The following MYRIP variants were observed in gnomAD, a reference collection of about 807,000 sequenced individuals.
MYRIP encodes myosin VIIA and Rab interacting protein.
MYRIP carries 49 observed loss-of-function variants against 98.0 expected under a neutral mutation model. That is an observed-to-expected ratio of 0.50 (90% CI 0.40 to 0.63). MYRIP has a LOEUF of 0.63. Among genes scored for constraint, MYRIP ranks in the 30% least tolerant of loss-of-function variants. The probability of loss-of-function intolerance (pLI) is 0.00; values close to 1 mark genes in which losing one functional copy is unlikely to be tolerated. For synonymous variants in MYRIP, 404 were observed against 409.5 expected (o/e 0.99, Z 0.16); for missense variants, 1,004 against 1,058.2 (o/e 0.95, Z 0.71).
At chr3:40,073,595 T>C (rs1948275605) in intron 3 of MYRIP, among the ~76,000 whole-genome samples, 1 of 152,248 alleles carries the variant, frequency 6.6e-6, no homozygotes, top group Non-Finnish European at 1.5e-5. Context: ...GGAAGGTTCT[T>C]TAGCAGTCAA....
chr3:40,230,418 TAA>T (rs1386418570), intron 11 of MYRIP, among the ~76,000 whole-genome samples: 1 of 152,234 alleles, frequency 6.6e-6, no homozygotes, highest in African/African-American at 2.4e-5. Flanking sequence ...GTGCTAAATA[TAA>T]GTTTTTTAAC....
chr3:40,097,324 A>C (rs1948851892), intron 3 of MYRIP, among the ~76,000 whole-genome samples: 1 of 152,170 alleles, frequency 6.6e-6, no homozygotes, highest in Non-Finnish European at 1.5e-5. Context: ...CAGGATTCAT[A>C]TCCAGGTATG....
intron 3 of MYRIP, among the ~76,000 whole-genome samples, chr3:40,066,302 T>C (rs1298582809): frequency 6.6e-6 from 1 of 152,222 alleles, no homozygotes; most frequent in East Asian, 1.9e-4. Context: ...ACTGCAAACT[T>C]TCTGGGGTCC....
intron 3 of MYRIP, among the ~76,000 whole-genome samples, chr3:40,130,379 CTTTT>C (rs1174112413): frequency 2.2e-5 from 3 of 139,242 alleles, no homozygotes; most frequent in Non-Finnish European, 4.7e-5. Flanking sequence ...GTCCAAATTT[CTTTT>C]TTTTTTTTTT....
chr3:40,196,863 C>T (rs966524050), intron 10 of MYRIP, among the ~76,000 whole-genome samples: 2 of 152,156 alleles, frequency 1.3e-5, no homozygotes, highest in Middle Eastern at 3.2e-3. Flanking sequence ...GTGAGGGACT[C>T]ATGTTAGGAG....
At chr3:40,193,294 C>T (rs370016455) in intron 10 of MYRIP, among the ~76,000 whole-genome samples, 31 of 152,100 alleles carry the variant, frequency 2.0e-4, no homozygotes, top group African/African-American at 7.2e-4. Flanking sequence ...ATAGATCCAA[C>T]AAAAGTCAGT....
At chr3:40,181,844 A>G (rs573228783) in intron 8 of MYRIP, among the ~76,000 whole-genome samples, 1 of 152,168 alleles carries the variant, frequency 6.6e-6, no homozygotes. Context: ...TTGCTCTGGG[A>G]TCTCTTCAGG....
chr3:40,256,766 AT>A (rs34097849), intron 16 of MYRIP, among the ~76,000 whole-genome samples: 5,110 of 150,002 alleles, frequency 0.034, 113 homozygotes, highest in East Asian at 0.058. Context: ...GATTTTGCTG[AT>A]TTTTTTTTTA....
At chr3:40,254,039 A>G (rs528962924) in intron 16 of MYRIP, among the ~76,000 whole-genome samples, 152 of 152,324 alleles carry the variant, frequency 1.0e-3, no homozygotes, top group Non-Finnish European at 1.6e-3. Flanking sequence ...GCTACTCCTA[A>G]ATGTAGCAAA....
rs538748574 is a variant in MYRIP at position 40,076,408 on chromosome 3, C to A, written c.332+32137C>A. The stretch of plus-strand genomic sequence containing the variant: ...TTTGACTGCATATTAGAATCCTTGG[C>A]AGAGCTTTGGAAAAAAATCACATTG... On this transcript the variant is annotated intron_variant, in intron 3 of 16. Transcript: ENST00000302541. 2.6e-5 allele frequency among the ~76,000 whole-genome samples: 4 copies of A among 152,296 alleles called. No homozygotes were observed. The East Asian group carries it at 7.7e-4, about 29-fold the overall frequency.
At chr3:39,939,093 A>C (rs1049257038) in intron 2 of MYRIP, among the ~76,000 whole-genome samples, 1 of 152,040 alleles carries the variant, frequency 6.6e-6, no homozygotes, top group African/African-American at 2.4e-5. Flanking sequence ...AGCCAACTTT[A>C]GAATGTCATT....
intron 3 of MYRIP, among the ~76,000 whole-genome samples, chr3:40,087,502 T>C (rs1948653158): frequency 6.6e-6 from 1 of 152,168 alleles, no homozygotes; most frequent in East Asian, 1.9e-4. Context: ...GCTTTAGTTC[T>C]ATTACAGAGG....
upstream of MYRIP, among the ~76,000 whole-genome samples, chr3:39,809,165 A>G (rs967421626): frequency 6.6e-6 from 1 of 152,078 alleles, no homozygotes; most frequent in Non-Finnish European, 1.5e-5. Context: ...CAGGCCCCGG[A>G]TTCTGGTGAC....
At chr3:39,901,007 C>A in intron 2 of MYRIP, 81 bp downstream of exon 2, 1 of 986,326 alleles carries the variant, frequency 1.0e-6, no homozygotes, top group Non-Finnish European at 1.6e-6. Flanking sequence ...GTATTCCCTC[C>A]TGCTAGCCCT....
rs1940621839 is a variant in MYRIP at position 39,810,154 on chromosome 3, T to C, written c.-31+238T>C. On this transcript the variant is annotated intron_variant, in intron 1 of 16. Transcript: ENST00000302541. ...GGATCATCGCGGAGCCAGAATCGCCTCTTTCTCTCGCTGCTGGGGTGGGAG... is the reference window on the plus strand; with the variant it reads ...GGATCATCGCGGAGCCAGAATCGCCCCTTTCTCTCGCTGCTGGGGTGGGAG... 3.3e-5 allele frequency among the ~76,000 whole-genome samples: 5 copies of C among 152,316 alleles called. No individual in the cohort carries two copies. The South Asian group carries it at 1.0e-3, about 32-fold the overall frequency.
intron 2 of MYRIP, among the ~76,000 whole-genome samples, chr3:39,953,478 G>C (rs1400012193): frequency 2.0e-5 from 3 of 152,048 alleles, no homozygotes; most frequent in Non-Finnish European, 4.4e-5. Context: ...GCAACTTATG[G>C]AAAACCAATT....
chr3:40,063,052 A>G (rs942042754), intron 3 of MYRIP, among the ~76,000 whole-genome samples: 4 of 152,248 alleles, frequency 2.6e-5, no homozygotes, highest in Non-Finnish European at 4.4e-5. Context: ...GTACCATGAG[A>G]GACAATCCAC....
chr3:40,145,425 C>A (rs1949987345), intron 3 of MYRIP, among the ~76,000 whole-genome samples: 2 of 152,046 alleles, frequency 1.3e-5, no homozygotes, highest in South Asian at 4.1e-4. Flanking sequence ...GGAAGACAAA[C>A]CTCTCAATTT....
rs1285783419 is a variant in MYRIP, at chr3:40,190,213, T to C, written c.1415T>C (p.Leu472Pro). Residue 472 changes from leucine (L) to proline (P), a missense_variant, in exon 10 of 17, where the codon CTG becomes CCG. This residue lies in a region of MYRIP where 880 missense variants were observed against 907.7 expected (regional missense o/e 0.97). Transcript: ENST00000302541. ...SSREVGHQARLSWLQRKAPRN... is the reference protein window; with the variant it reads ...SSREVGHQARPSWLQRKAPRN... ...CGAGAAGTTGGGCACCAGGCCAGAC[T>C]GTCCTGGTTGCAGAGGAAGGCCCCC... 2 of 1,613,946 alleles carry C rather than the reference T, an allele frequency of 1.2e-6. No individual in the cohort carries two copies. The highest frequency in any genetic ancestry group is 1.7e-6 in the Non-Finnish European group (2 of 1,180,016).
Sources: gnomAD v4.1 joint callset for allele counts (sites outside exome capture counted in the v4.1 genomes callset) on GRCh38, gnomAD v4.1.1 for gene constraint, gnomAD v4.1.1 regional missense constraint, MANE v1.5 for transcripts, NCBI Gene and HGNC (gene_info 2026-07-23, HGNC 2026-07-21) for gene names.